Variants in PDE11A observed in about 807,000 individuals in gnomAD.
PDE11A encodes dual 3',5'-cyclic-AMP and -GMP phosphodiesterase 11A.
PDE11A carries 100 observed loss-of-function variants against 100.5 expected under a neutral mutation model. The ratio of observed to expected loss-of-function variants is 1.00; its 90% CI spans 0.85 to 1.18. The LOEUF is 1.18. Among genes scored for constraint, PDE11A ranks in the 50% most tolerant of loss-of-function variants. The probability of loss-of-function intolerance (pLI) is 0.00; values close to 1 mark genes in which losing one functional copy is unlikely to be tolerated. For missense variants in PDE11A, 1,141 were observed against 1,152.6 expected (o/e 0.99, Z 0.15); for synonymous variants, 381 against 420.8 (o/e 0.91, Z 1.16).
chr2:177,933,199 A>C (rs566905137), intron 2 of PDE11A, among the ~76,000 whole-genome samples: 95 of 152,046 alleles, frequency 6.2e-4, no homozygotes, highest in African/African-American at 2.2e-3. Context: ...AATGGAAAAA[A>C]ATTCCATGCT....
chr2:177,930,033 G>T (rs1257231728), intron 2 of PDE11A, among the ~76,000 whole-genome samples: 2 of 152,174 alleles, frequency 1.3e-5, no homozygotes, highest in African/African-American at 4.8e-5. Flanking sequence ...CATTTTGTCA[G>T]TATCTGTATG....
chr2:177,629,409 A>C lies in PDE11A; in HGVS notation c.2800T>G (p.Ter934GluextTer10). 1 of 1,613,254 alleles carries C rather than the reference A, an allele frequency of 6.2e-7. No individual in the cohort carries two copies. The highest frequency in any genetic ancestry group is 8.5e-7 in the Non-Finnish European group (1 of 1,179,850). ...SVMVAKEDRN* is the reference protein window; with the variant it reads ...SVMVAKEDRNE ...GCAGCTGCAGCTGACCTGGAGGTTT[A>C]GTTCCTGTCTTCCTTGGCTACCATA... Residue 934 changes from the stop codon to glutamate, a stop_lost, in exon 20 of 20, where the codon TAA (stop) becomes GAA (glutamate). Transcript: ENST00000286063.
At chr2:177,725,358 T>A (rs2081585100) in intron 12 of PDE11A, among the ~76,000 whole-genome samples, 1 of 152,122 alleles carries the variant, frequency 6.6e-6, no homozygotes, top group South Asian at 2.1e-4. Context: ...TAACCCTTAG[T>A]TAAGTTCAAC....
At chr2:177,820,942 G>A (rs1422567622) in intron 6 of PDE11A, among the ~76,000 whole-genome samples, 1 of 151,804 alleles carries the variant, frequency 6.6e-6, no homozygotes, top group Non-Finnish European at 1.5e-5. Context: ...ATTAAAAACA[G>A]TGGTCCATAT....
intron 12 of PDE11A, among the ~76,000 whole-genome samples, chr2:177,718,726 C>A (rs2105435925): frequency 1.3e-5 from 2 of 152,218 alleles, no homozygotes; most frequent in East Asian, 3.9e-4. Context: ...TAAATTTTTT[C>A]CTTTGTGTCT....
chr2:177,664,029 A>G, intron 18 of PDE11A, 80 bp from the exon 19 acceptor site: 1 of 838,764 alleles, frequency 1.2e-6, no homozygotes, highest in Non-Finnish European at 2.1e-6. Flanking sequence ...CTTTGCTAGA[A>G]TGATCCATTT....
At chr2:177,731,485 A>G (rs1193775771) in intron 10 of PDE11A, among the ~76,000 whole-genome samples, 1 of 152,132 alleles carries the variant, frequency 6.6e-6, no homozygotes, top group Non-Finnish European at 1.5e-5. Flanking sequence ...AGCAGGTTGG[A>G]GGAGGAGTCT....
chr2:178,001,685 C>T (rs891676547), intron 2 of PDE11A, among the ~76,000 whole-genome samples: 1 of 152,122 alleles, frequency 6.6e-6, no homozygotes, highest in Non-Finnish European at 1.5e-5. Context: ...TTAATCCTGC[C>T]ACTGGGTCAA....
chr2:177,936,650 G>T (rs1185798561), intron 2 of PDE11A, among the ~76,000 whole-genome samples: 1 of 152,236 alleles, frequency 6.6e-6, no homozygotes, highest in Non-Finnish European at 1.5e-5. Context: ...GCCAGGTGCA[G>T]TGGCTCACGC....
chr2:177,872,212 C>T (rs1170522445), intron 5 of PDE11A, among the ~76,000 whole-genome samples: 1 of 152,168 alleles, frequency 6.6e-6, no homozygotes, highest in Non-Finnish European at 1.5e-5. Context: ...GAATAACTGC[C>T]TCCAAACAAC....
chr2:177,934,720 G>A (rs1372639470), intron 2 of PDE11A, among the ~76,000 whole-genome samples: 1 of 152,114 alleles, frequency 6.6e-6, no homozygotes, highest in African/African-American at 2.4e-5. Flanking sequence ...CAATAGCAAA[G>A]CATGGATTCA....
chr2:177,857,845 A>G (rs2083869082), intron 5 of PDE11A, among the ~76,000 whole-genome samples: 2 of 152,096 alleles, frequency 1.3e-5, no homozygotes, highest in South Asian at 4.1e-4. Flanking sequence ...TGGAAAAAGT[A>G]TATATATTAT....
chr2:177,995,647 C>CCA lies in PDE11A; in HGVS notation c.1071+18654_1071+18655insTG, dbSNP rs1030220898. Among the ~76,000 whole-genome samples, 23 of 26,576 alleles carry CCA rather than the reference C, an allele frequency of 8.7e-4. No individual in the cohort carries two copies. The Admixed American group carries it at 0.012, about 14-fold the overall frequency. The allele number at this position is 26,576 out of a possible 152,430, so 17.4% of individuals were successfully genotyped here. On this transcript the variant is annotated intron_variant, in intron 2 of 19. Transcript: ENST00000286063. ...GACATTAAATACTCCACAAACACCACCCACCCCGCATCTGCTGTTTTAACC... is the reference window on the plus strand; with the variant it reads ...GACATTAAATACTCCACAAACACCACCACCACCCCGCATCTGCTGTTTTAACC...
chr2:177,624,331 C>T lies in PDE11A; in HGVS notation c.*5076G>A, dbSNP rs1232697322. 1 of 149,952 alleles carries T rather than the reference C, an allele frequency of 6.7e-6. No homozygotes were observed. 9.3% of individuals were successfully genotyped at this position (149,952 alleles called of 1,614,324 possible). On this transcript the variant is annotated 3_prime_UTR_variant, in exon 20 of 20. Coordinates refer to ENST00000286063, the MANE Select transcript of PDE11A (RefSeq NM_016953.4). The stretch of plus-strand genomic sequence containing the variant: ...TTCCCTAGTATGTCTAGGTTTCTGT[C>T]CCACTGGAAGGAAATTGTTTCACAC...
chr2:177,642,400 G>A (rs1261477490), intron 19 of PDE11A, among the ~76,000 whole-genome samples: 1 of 152,200 alleles, frequency 6.6e-6, no homozygotes, highest in Non-Finnish European at 1.5e-5. Flanking sequence ...CAGAGGCAAG[G>A]ACTTAAATAG....
intron 6 of PDE11A, among the ~76,000 whole-genome samples, chr2:177,827,976 G>T (rs1193531462): frequency 2.6e-5 from 4 of 152,134 alleles, no homozygotes; most frequent in Admixed American, 1.3e-4. Context: ...ATACAGCAAG[G>T]CAAGTTGACT....
At chr2:177,885,499 G>A (rs980952327) in intron 4 of PDE11A, among the ~76,000 whole-genome samples, 3 of 152,072 alleles carry the variant, frequency 2.0e-5, no homozygotes, top group Non-Finnish European at 4.4e-5. Context: ...AATAGTTTGG[G>A]TAATCATCAG....
rs142803328 is a variant in PDE11A at position 177,758,345 on chromosome 2, G to C, written c.1788+10978C>G. Among the ~76,000 whole-genome samples, 393 of 151,574 alleles carry C rather than the reference G, an allele frequency of 2.6e-3. 2 individuals carry two copies. The highest frequency in any genetic ancestry group is 4.4e-3 in the Non-Finnish European group (302 of 67,894). ...GAATATTCAAAGAACATTCTCTGTGGCTATCAAATCCAAAGACAGAAAAAT... is the reference window on the plus strand; with the variant it reads ...GAATATTCAAAGAACATTCTCTGTGCCTATCAAATCCAAAGACAGAAAAAT... On this transcript the variant is annotated intron_variant, in intron 10 of 19. Coordinates refer to ENST00000286063, the MANE Select transcript of PDE11A (RefSeq NM_016953.4).
At chr2:177,796,637 T>C (rs1367569634) in intron 9 of PDE11A, among the ~76,000 whole-genome samples, 1 of 152,178 alleles carries the variant, frequency 6.6e-6, no homozygotes, top group East Asian at 1.9e-4. Context: ...CACCTTTTGA[T>C]AGCAGCATCC....
Sources: gnomAD v4.1 joint callset for allele counts (sites outside exome capture counted in the v4.1 genomes callset) on GRCh38, gnomAD v4.1.1 for gene constraint, MANE v1.5 for transcripts, NCBI Gene and HGNC (gene_info 2026-07-23, HGNC 2026-07-21) for gene names.